RARB: variants seen among roughly 807,000 people sequenced by gnomAD.
The protein encoded by RARB is retinoic acid receptor beta, also known as HBV-activated protein.
In RARB, 17 loss-of-function variants were observed where a neutral mutation model predicts 51.9. That is an observed-to-expected ratio of 0.33 (90% CI 0.22 to 0.49). The LOEUF is 0.49. Among genes scored for constraint, RARB ranks in the 20% least tolerant of loss-of-function variants. The pLI, the probability that RARB is intolerant of heterozygous loss-of-function variation, is 0.99. For synonymous variants in RARB, 215 were observed against 195.4 expected, an observed-to-expected ratio of 1.10 and a Z score of -0.84; for missense variants, 369 against 550.8, an observed-to-expected ratio of 0.67 and a Z score of 3.30.
intron 2 of RARB, among the ~76,000 whole-genome samples, chr3:24,970,821 C>T (rs1696381866): frequency 6.6e-6 from 1 of 150,566 alleles, no homozygotes; most frequent in Non-Finnish European, 1.5e-5. Context: ...GTCTTACCTA[C>T]TCTAAATTCC....
chr3:25,207,581 C>T (rs536771022), intron 5 of RARB, among the ~76,000 whole-genome samples: 22 of 152,280 alleles, frequency 1.4e-4, no homozygotes, highest in Non-Finnish European at 2.8e-4. Flanking sequence ...TCCCTTCCCT[C>T]CTCATTTTTT....
intron 5 of RARB, among the ~76,000 whole-genome samples, chr3:25,210,960 G>A (rs938362643): frequency 6.6e-6 from 1 of 152,082 alleles, no homozygotes; most frequent in Non-Finnish European, 1.5e-5. Context: ...TATTTGCGAT[G>A]TGACTTTGAG....
chr3:24,913,415 T>G (rs555712493), intron 2 of RARB, among the ~76,000 whole-genome samples: 1 of 150,670 alleles, frequency 6.6e-6, no homozygotes, highest in Non-Finnish European at 1.5e-5. Context: ...TTTTTTTTTT[T>G]TTTTTTGGTC....
chr3:25,061,846 C>A (rs1698557923), intron 3 of RARB, among the ~76,000 whole-genome samples: 2 of 151,688 alleles, frequency 1.3e-5, no homozygotes, highest in Admixed American at 1.3e-4. Flanking sequence ...GAAAAAAGAA[C>A]TTACCCAACT....
At chr3:25,176,840 CTG>C (rs1423798779) in intron 5 of RARB, among the ~76,000 whole-genome samples, 2 of 152,110 alleles carry the variant, frequency 1.3e-5, no homozygotes, top group Non-Finnish European at 2.9e-5. Context: ...GATGCCATTA[CTG>C]TTAGATTAAA....
chr3:24,918,879 G>A (rs898155105), intron 2 of RARB, among the ~76,000 whole-genome samples: 9 of 152,124 alleles, frequency 5.9e-5, no homozygotes, highest in Non-Finnish European at 1.2e-4. Flanking sequence ...GACAGAGCGA[G>A]AGTCTCAAAA....
At chr3:24,950,831 A>G (rs1440222114) in intron 2 of RARB, among the ~76,000 whole-genome samples, 1 of 152,178 alleles carries the variant, frequency 6.6e-6, no homozygotes, top group Non-Finnish European at 1.5e-5. Context: ...GTAATTTTTC[A>G]AAGTGTGGTC....
At chr3:25,030,286 CAT>C (rs1243432864) in intron 2 of RARB, among the ~76,000 whole-genome samples, 1 of 152,206 alleles carries the variant, frequency 6.6e-6, no homozygotes, top group African/African-American at 2.4e-5. Context: ...CTGAAAATTA[CAT>C]ATATTTTTTA....
At chr3:24,873,084 G>A (rs77749050) in intron 2 of RARB, among the ~76,000 whole-genome samples, 6,906 of 152,268 alleles carry the variant, frequency 0.045, 289 homozygotes, top group East Asian at 0.17. Context: ...TTTAAAAAGT[G>A]GGGCTATATT....
chr3:25,569,993 C>G lies in RARB; in HGVS notation c.609+75C>G, dbSNP rs866881934. On this transcript the variant is annotated intron_variant, in intron 4 of 7. Transcript: ENST00000330688. The stretch of plus-strand genomic sequence containing the variant: ...GTGCATGTGTGCAGACACACACACA[C>G]ACACACACACACACACACACACACA... 5 of 1,134,098 alleles carry G rather than the reference C, an allele frequency of 4.4e-6. No individual in the cohort carries two copies. The Admixed American group carries it at 1.1e-4, about 25-fold the overall frequency. 70.3% of individuals were successfully genotyped at this position (1,134,098 alleles called of 1,614,324 possible).
At chr3:25,043,893 T>C (rs1181630352) in intron 2 of RARB, among the ~76,000 whole-genome samples, 1 of 152,164 alleles carries the variant, frequency 6.6e-6, no homozygotes, top group African/African-American at 2.4e-5. Context: ...CGTGGCTCAT[T>C]GAGGAAATGT....
At chr3:25,332,291 A>T (rs1704923524) in intron 5 of RARB, among the ~76,000 whole-genome samples, 1 of 152,190 alleles carries the variant, frequency 6.6e-6, no homozygotes. Context: ...ATACTGGCAA[A>T]CTGAATCCAG....
intron 2 of RARB, among the ~76,000 whole-genome samples, chr3:24,960,385 C>G (rs1029115180): frequency 7.9e-5 from 12 of 152,154 alleles, no homozygotes; most frequent in Non-Finnish European, 1.6e-4. Context: ...CATTTTGTTT[C>G]CTAGGAAAAG....
At chr3:25,531,380 ATAGATAGG>A (rs1383311024) in intron 3 of RARB, among the ~76,000 whole-genome samples, 20 of 107,216 alleles carry the variant, frequency 1.9e-4, no homozygotes, top group Admixed American at 1.2e-3. Flanking sequence ...AGGTAGATAG[ATAGATAGG>A]TAGATAGATA....
chr3:24,894,553 G>T (rs1703443459), intron 2 of RARB, among the ~76,000 whole-genome samples: 1 of 151,926 alleles, frequency 6.6e-6, no homozygotes, highest in Non-Finnish European at 1.5e-5. Flanking sequence ...CTTTGCTATT[G>T]TGAACAGTGT....
At chr3:25,111,563 G>A (rs192630915) in intron 3 of RARB, among the ~76,000 whole-genome samples, 1 of 148,142 alleles carries the variant, frequency 6.8e-6, no homozygotes, top group East Asian at 2.0e-4. Context: ...CTAGCTAAAT[G>A]ATCTCCGTTT....
At chr3:25,379,925 A>C (rs534932422) in intron 5 of RARB, among the ~76,000 whole-genome samples, 1 of 152,244 alleles carries the variant, frequency 6.6e-6, no homozygotes, top group African/African-American at 2.4e-5. Flanking sequence ...TTGGGGGTCA[A>C]GGGAACTGTG....
At chr3:25,583,188 G>T (rs942662956) in intron 5 of RARB, among the ~76,000 whole-genome samples, 1 of 152,220 alleles carries the variant, frequency 6.6e-6, no homozygotes, top group Non-Finnish European at 1.5e-5. Flanking sequence ...TTGTTTCCAA[G>T]AATTTGTAGC....
At chr3:24,869,765 T>A (rs1247153040) in intron 2 of RARB, among the ~76,000 whole-genome samples, 1 of 152,090 alleles carries the variant, frequency 6.6e-6, no homozygotes, top group Non-Finnish European at 1.5e-5. Flanking sequence ...TGTATTTCTG[T>A]TTATCCTCTC....
Sources: allele counts gnomAD v4.1 joint callset (sites outside exome capture counted in the v4.1 genomes callset), GRCh38; gene constraint gnomAD v4.1.1; transcripts MANE v1.5; gene names NCBI Gene and HGNC (gene_info 2026-07-23, HGNC 2026-07-21).